CFAP20DC: variants seen among roughly 807,000 people sequenced by gnomAD.
The protein encoded by CFAP20DC is CFAP20 domain containing.
A neutral mutation model predicts 101.7 loss-of-function variants in CFAP20DC; 84 were observed. The ratio of observed to expected loss-of-function variants is 0.83; its 90% CI spans 0.69 to 0.99. The LOEUF is 0.99. Ranked by LOEUF, CFAP20DC falls within the 50% of genes least tolerant of loss-of-function variation. The probability of loss-of-function intolerance (pLI) is 0.00; values close to 1 mark genes in which losing one functional copy is unlikely to be tolerated. For synonymous variants in CFAP20DC, 359 were observed against 351.2 expected, an observed-to-expected ratio of 1.02 and a Z score of -0.25; for missense variants, 1,007 against 970.3, an observed-to-expected ratio of 1.04 and a Z score of -0.50.
At chr3:58,961,548 G>C (rs1317457687) in intron 4 of CFAP20DC, among the ~76,000 whole-genome samples, 2 of 150,746 alleles carry the variant, frequency 1.3e-5, no homozygotes, top group African/African-American at 4.8e-5. Context: ...GAACAAGACT[G>C]TCTCAAAAAA....
intron 15 of CFAP20DC, among the ~76,000 whole-genome samples, chr3:58,805,581 G>C (rs1384075076): frequency 3.3e-5 from 5 of 152,176 alleles, no homozygotes; most frequent in Admixed American, 3.3e-4. Context: ...CACAGTACAG[G>C]TCAGATGCGT....
intron 3 of CFAP20DC, among the ~76,000 whole-genome samples, chr3:58,720,402 C>G (rs2067455206): frequency 6.6e-6 from 1 of 152,148 alleles, no homozygotes; most frequent in Non-Finnish European, 1.5e-5. Flanking sequence ...GGCCTTGATA[C>G]AGGTTCTTGA....
intron 4 of CFAP20DC, among the ~76,000 whole-genome samples, chr3:58,992,790 T>C (rs79544694): frequency 0.01 from 1,559 of 152,240 alleles, 29 homozygotes; most frequent in African/African-American, 0.035. Flanking sequence ...AGGTAAGGTA[T>C]GTAAAAAATA....
At chr3:58,893,547 T>C (rs1305104780) in intron 6 of CFAP20DC, among the ~76,000 whole-genome samples, 2 of 152,220 alleles carry the variant, frequency 1.3e-5, no homozygotes, top group Non-Finnish European at 2.9e-5. Context: ...GCCAATATTT[T>C]TGTGAAGATT....
At chr3:58,901,306 A>G (rs576844358) in intron 6 of CFAP20DC, among the ~76,000 whole-genome samples, 23 of 152,358 alleles carry the variant, frequency 1.5e-4, no homozygotes, top group African/African-American at 5.5e-4. Flanking sequence ...GCTGGAAAAC[A>G]TTAAGAAGCA....
rs527910477 is a variant in CFAP20DC at position 58,742,107 on chromosome 3, A to G, written c.*353T>C. ...AAATACATTTTCTGTACATCAAGCC[A>G]TCATTTACAGATTAACACTGCAAAA... On this transcript the variant is annotated 3_prime_UTR_variant, in exon 17 of 17. Transcript: ENST00000482387. 1.1e-4 allele frequency: 101 copies of G among 957,142 alleles called. 1 individual carries two copies. The African/African-American group carries it at 1.7e-3, about 16-fold the overall frequency. 59.3% of individuals were successfully genotyped at this position (957,142 alleles called of 1,614,324 possible).
At chr3:58,796,963 G>C (rs1358080773) in intron 15 of CFAP20DC, among the ~76,000 whole-genome samples, 3 of 152,158 alleles carry the variant, frequency 2.0e-5, no homozygotes, top group Non-Finnish European at 4.4e-5. Flanking sequence ...GGCAAATTTA[G>C]TAAATGCGGT....
chr3:58,757,363 T>C (rs1442931018), intron 15 of CFAP20DC, among the ~76,000 whole-genome samples: 4 of 150,822 alleles, frequency 2.7e-5, no homozygotes, highest in Non-Finnish European at 5.9e-5. Context: ...GTAATACACA[T>C]GTGTACATAC....
chr3:59,039,977 C>G (rs1237643890), intron 3 of CFAP20DC, among the ~76,000 whole-genome samples: 1 of 151,872 alleles, frequency 6.6e-6, no homozygotes, highest in Non-Finnish European at 1.5e-5. Flanking sequence ...ACTATAAATT[C>G]CATTCAAGGC....
intron 15 of CFAP20DC, among the ~76,000 whole-genome samples, chr3:58,785,794 A>G (rs1196502648): frequency 6.6e-6 from 1 of 152,122 alleles, no homozygotes; most frequent in African/African-American, 2.4e-5. Flanking sequence ...AGAAGCAAAC[A>G]CAGGAAAAAC....
intron 13 of CFAP20DC, among the ~76,000 whole-genome samples, chr3:58,843,925 T>G (rs2077378750): frequency 3.8e-5 from 3 of 79,196 alleles, no homozygotes; most frequent in South Asian, 5.2e-4. Context: ...GCTTCATAAG[T>G]GAAGGAGAAA....
chr3:58,782,260 C>G (rs1393708279), intron 15 of CFAP20DC, among the ~76,000 whole-genome samples: 1 of 151,834 alleles, frequency 6.6e-6, no homozygotes, highest in Non-Finnish European at 1.5e-5. Context: ...AAACAACAAA[C>G]TAGGCATAGA....
At chr3:59,011,411 A>AC (rs1287750074) in intron 4 of CFAP20DC, among the ~76,000 whole-genome samples, 2 of 151,894 alleles carry the variant, frequency 1.3e-5, no homozygotes, top group African/African-American at 4.8e-5. Flanking sequence ...AAAAAAAAAA[A>AC]AGTCTGAAAG....
intron 5 of CFAP20DC, among the ~76,000 whole-genome samples, chr3:58,929,121 T>C (rs2086298734): frequency 6.6e-6 from 1 of 152,204 alleles, no homozygotes; most frequent in Non-Finnish European, 1.5e-5. Context: ...AACTCATTTA[T>C]CGAATATGAA....
chr3:58,989,735 T>C (rs1185065448), intron 4 of CFAP20DC, among the ~76,000 whole-genome samples: 1 of 152,146 alleles, frequency 6.6e-6, no homozygotes, highest in African/African-American at 2.4e-5. Flanking sequence ...ATAGTCTATG[T>C]AAAAAATTTA....
chr3:58,984,938 C>T (rs1346267342), intron 4 of CFAP20DC, among the ~76,000 whole-genome samples: 1 of 152,094 alleles, frequency 6.6e-6, no homozygotes, highest in Non-Finnish European at 1.5e-5. Context: ...CAGGATCTCT[C>T]TCCATCACCC....
chr3:58,990,754 G>GGTGTGTGTGTGTGTGTGTGTGTGT (rs71091398), intron 4 of CFAP20DC, among the ~76,000 whole-genome samples: 45 of 144,034 alleles, frequency 3.1e-4, no homozygotes, highest in African/African-American at 1.2e-3. Context: ...ATGCTCAGCT[G>GGTGTGTGTGTGTGTGTGTGTGTGT]GTGTGTGTGT....
At chr3:58,925,571 C>T (rs1180706371) in intron 5 of CFAP20DC, among the ~76,000 whole-genome samples, 1 of 152,140 alleles carries the variant, frequency 6.6e-6, no homozygotes, top group African/African-American at 2.4e-5. Flanking sequence ...ACCATATTTA[C>T]AAGTTAATAA....
At chr3:58,938,662 C>G (rs1212298636) in intron 4 of CFAP20DC, among the ~76,000 whole-genome samples, 1 of 152,096 alleles carries the variant, frequency 6.6e-6, no homozygotes, top group African/African-American at 2.4e-5. Flanking sequence ...GTGTAATTAA[C>G]TGTTTTTAAA....
Sources: gnomAD v4.1 joint callset for allele counts (sites outside exome capture counted in the v4.1 genomes callset) on GRCh38, gnomAD v4.1.1 for gene constraint, MANE v1.5 for transcripts, NCBI Gene and HGNC (gene_info 2026-07-23, HGNC 2026-07-21) for gene names.